Variants in DGKB observed in about 807,000 individuals in gnomAD.
The protein encoded by DGKB is diacylglycerol kinase beta.
A neutral mutation model predicts 114.3 loss-of-function variants in DGKB; 67 were observed. That is an observed-to-expected ratio of 0.59 (90% confidence interval 0.48 to 0.72). DGKB has a LOEUF of 0.72. Among genes scored for constraint, DGKB ranks in the 30% least tolerant of loss-of-function variants. The probability of loss-of-function intolerance (pLI) is 0.00; values close to 1 mark genes in which losing one functional copy is unlikely to be tolerated. For synonymous variants in DGKB, 398 were observed against 323.1 expected, an observed-to-expected ratio of 1.23 and a Z score of -2.49; for missense variants, 907 against 975.2, an observed-to-expected ratio of 0.93 and a Z score of 0.93.
intron 21 of DGKB, among the ~76,000 whole-genome samples, chr7:14,379,346 A>T (rs1819009289): frequency 6.6e-6 from 1 of 151,818 alleles, no homozygotes; most frequent in Non-Finnish European, 1.5e-5. Context: ...CACCACTGCT[A>T]CTAGAAATTC....
chr7:14,595,652 T>C (rs1802460074), intron 17 of DGKB, among the ~76,000 whole-genome samples: 1 of 151,468 alleles, frequency 6.6e-6, no homozygotes, highest in African/African-American at 2.4e-5. Flanking sequence ...CATTAGATTG[T>C]AAATTTAAGA....
At chr7:14,151,289 C>T (rs1031476574) in intron 25 of DGKB, among the ~76,000 whole-genome samples, 2 of 151,738 alleles carry the variant, frequency 1.3e-5, no homozygotes, top group Non-Finnish European at 2.9e-5. Flanking sequence ...GTTGTTAAGA[C>T]TATGAAAGAA....
At chr7:14,456,983 A>C (rs1212119599) in intron 21 of DGKB, among the ~76,000 whole-genome samples, 1 of 149,054 alleles carries the variant, frequency 6.7e-6, no homozygotes, top group Non-Finnish European at 1.5e-5. Context: ...TTAACTTCCC[A>C]CAGGTTTTTC....
At chr7:14,617,900 G>A (rs1265644398) in intron 15 of DGKB, among the ~76,000 whole-genome samples, 2 of 151,544 alleles carry the variant, frequency 1.3e-5, no homozygotes, top group African/African-American at 4.8e-5. Flanking sequence ...AGACAATTCT[G>A]ACTCTTAGCC....
At chr7:14,721,167 C>T (rs970094211) in intron 5 of DGKB, among the ~76,000 whole-genome samples, 6 of 152,270 alleles carry the variant, frequency 3.9e-5, no homozygotes, top group Admixed American at 1.3e-4. Context: ...TATGCTCTGA[C>T]ATTTATTTGA....
Position 14,478,211 on chromosome 7 carries a change from T to G in DGKB, c.1785A>C (p.Ala595=). Residue 595 remains alanine (A), a synonymous_variant, in exon 21 of 26, where the codon GCA becomes GCC. Coordinates refer to ENST00000402815, the MANE Select transcript of DGKB (RefSeq NM_001350709.2). The part of the protein sequence containing the change: ...YFSIGVDASI[A]HRFHIMREKH... ...TTTCTCTCATGATGTGGAATCTGTG[T>G]GCAATGGAGGCATCCTAAGGGGAGA... 6.9e-6 allele frequency: 11 copies of G among 1,600,122 alleles called. No individual in the cohort carries two copies. The highest frequency in any genetic ancestry group is 9.4e-6 in the Non-Finnish European group (11 of 1,171,560).
intron 2 of DGKB, among the ~76,000 whole-genome samples, chr7:14,811,199 TA>T (rs1843390347): frequency 6.6e-6 from 1 of 152,134 alleles, no homozygotes; most frequent in Admixed American, 6.6e-5. Flanking sequence ...ATAATCCCTG[TA>T]AAAAATTATC....
At chr7:14,912,388 C>T (rs929482623) in intron 1 of DGKB, among the ~76,000 whole-genome samples, 42 of 152,036 alleles carry the variant, frequency 2.8e-4, no homozygotes, top group Admixed American at 2.5e-3. Flanking sequence ...GCAATAAGAA[C>T]ATTAACAGTT....
At chr7:14,957,320 T>C (rs1049258611) in intron 1 of DGKB, among the ~76,000 whole-genome samples, 3 of 151,970 alleles carry the variant, frequency 2.0e-5, no homozygotes, top group African/African-American at 4.8e-5. Flanking sequence ...CTTTGGTCTA[T>C]TTGAAGAGTT....
intron 21 of DGKB, among the ~76,000 whole-genome samples, chr7:14,369,003 T>C (rs1045423725): frequency 2.6e-5 from 4 of 152,130 alleles, no homozygotes; most frequent in Non-Finnish European, 5.9e-5. Context: ...ACATGTGCCA[T>C]GGTGGTTTGC....
At chr7:14,834,352 G>T (rs1318477817) in intron 2 of DGKB, among the ~76,000 whole-genome samples, 1 of 152,114 alleles carries the variant, frequency 6.6e-6, no homozygotes, top group Non-Finnish European at 1.5e-5. Flanking sequence ...TTTTACTCCT[G>T]TGATAATGGC....
rs976049609 is a variant in DGKB, at chr7:14,478,572, G to C, written c.1771-347C>G. Among the ~76,000 whole-genome samples, 3 of 152,204 alleles carry C rather than the reference G, an allele frequency of 2.0e-5. No homozygotes were observed. The South Asian group carries it at 6.2e-4, about 32-fold the overall frequency. ...CACATATGAGTGTAAATGTCAAATA[G>C]TAATGGAAAATACTGTTAAACAAGA... On this transcript the variant is annotated intron_variant, in intron 20 of 25. Coordinates refer to ENST00000402815, the MANE Select transcript of DGKB (RefSeq NM_001350709.2).
At chr7:14,772,088 C>T (rs370399011) in intron 2 of DGKB, among the ~76,000 whole-genome samples, 1 of 152,100 alleles carries the variant, frequency 6.6e-6, no homozygotes, top group Non-Finnish European at 1.5e-5. Flanking sequence ...CTGAACCAAA[C>T]CAATGTATTT....
chr7:14,839,008 C>T (rs7792515), intron 2 of DGKB, among the ~76,000 whole-genome samples: 135,364 of 152,184 alleles, frequency 0.89, 60,562 homozygotes, highest in East Asian at 1. Context: ...CCCTCTTGTA[C>T]GAAGACTTCC....
intron 23 of DGKB, among the ~76,000 whole-genome samples, chr7:14,220,396 G>A (rs956894882): frequency 6.6e-6 from 1 of 151,218 alleles, no homozygotes; most frequent in Non-Finnish European, 1.5e-5. Context: ...TCCATTAAAT[G>A]GTCTTGGCAC....
chr7:14,475,890 A>C (rs912472894), intron 21 of DGKB, among the ~76,000 whole-genome samples: 1 of 152,112 alleles, frequency 6.6e-6, no homozygotes. Flanking sequence ...AGAAGACTTA[A>C]AAATTATTCT....
In DGKB at chr7:14,459,012, TG is replaced by T. The variant is rs376480001; in HGVS notation, c.1835+19148del. 2.0e-3 allele frequency among the ~76,000 whole-genome samples: 308 copies of T among 152,078 alleles called. 1 individual carries two copies. The highest frequency in any genetic ancestry group is 7.0e-3 in the African/African-American group (290 of 41,504). On this transcript the variant is annotated intron_variant, in intron 21 of 25. Coordinates refer to ENST00000402815, the MANE Select transcript of DGKB (RefSeq NM_001350709.2). ...GTCAACCTGGGATGCTCCAGCTTGG[TG>T]GGGGGAGGGGCGTCCGCCATTACTG...
chr7:14,478,247 C>G, intron 20 of DGKB, 22 bp from the exon 21 acceptor site: 1 of 1,468,030 alleles, frequency 6.8e-7, no homozygotes, highest in Non-Finnish European at 9.3e-7. Context: ...AAATAGAAAA[C>G]AAAAACAGGA....
chr7:14,555,335 T>C (rs1795725998), intron 20 of DGKB, among the ~76,000 whole-genome samples: 1 of 152,216 alleles, frequency 6.6e-6, no homozygotes, highest in African/African-American at 2.4e-5. Flanking sequence ...CACCGTATTT[T>C]AGTTGCAGAA....
Sources: allele counts gnomAD v4.1 joint callset (sites outside exome capture counted in the v4.1 genomes callset), GRCh38; gene constraint gnomAD v4.1.1; transcripts MANE v1.5; gene names NCBI Gene and HGNC (gene_info 2026-07-23, HGNC 2026-07-21).